SLIT2: variants seen among roughly 807,000 people sequenced by gnomAD.
SLIT2 encodes the protein slit homolog 2 protein.
A neutral mutation model predicts 185.7 loss-of-function variants in SLIT2; 41 were observed. The ratio of observed to expected loss-of-function variants is 0.22; its 90% CI spans 0.17 to 0.29. SLIT2 has a LOEUF of 0.29. SLIT2 is among the 10% of genes least tolerant of loss of function. The pLI, the probability that SLIT2 is intolerant of heterozygous loss-of-function variation, is 1.00. For synonymous variants in SLIT2, 693 were observed against 680.2 expected (o/e 1.02, Z -0.29); for missense variants, 1,571 against 1,909.0 (o/e 0.82, Z 3.30).
chr4:20,487,799 T>C (rs565776696), intron 7 of SLIT2, among the ~76,000 whole-genome samples: 8 of 152,334 alleles, frequency 5.3e-5, no homozygotes, highest in African/African-American at 1.9e-4. Flanking sequence ...ATTCCTTTGC[T>C]TTGGTTGGGT....
intron 4 of SLIT2, among the ~76,000 whole-genome samples, chr4:20,321,148 C>CA (rs1206177029): frequency 5.3e-5 from 8 of 151,964 alleles, no homozygotes; most frequent in East Asian, 3.9e-4. Flanking sequence ...CAAAACAAAA[C>CA]AAAAAAAACT....
intron 4 of SLIT2, among the ~76,000 whole-genome samples, chr4:20,388,829 T>A (rs1279363520): frequency 6.9e-6 from 1 of 144,586 alleles, no homozygotes; most frequent in Non-Finnish European, 1.5e-5. Context: ...ATATATATAA[T>A]ATATAATATA....
rs184063483 is a variant in SLIT2 at position 20,527,732 on chromosome 4, T to C, written c.1463-1217T>C. Among the ~76,000 whole-genome samples, 53 of 152,338 alleles carry C rather than the reference T, an allele frequency of 3.5e-4. No homozygotes were observed. In the East Asian group the frequency reaches 5.2e-3, roughly 15 times the overall value. On this transcript the variant is annotated intron_variant, in intron 15 of 36. Transcript: ENST00000504154. ...ACAATTCCCATCACATCATGCTATTTTTTCAATAATTCCCATAATAAAGAA... is the reference window on the plus strand; with the variant it reads ...ACAATTCCCATCACATCATGCTATTCTTTCAATAATTCCCATAATAAAGAA...
At chr4:20,462,847 G>A (rs1027750501) in intron 4 of SLIT2, among the ~76,000 whole-genome samples, 3 of 152,122 alleles carry the variant, frequency 2.0e-5, no homozygotes, top group Non-Finnish European at 4.4e-5. Flanking sequence ...TACACTCCTA[G>A]AAATGTCTCA....
At chr4:20,288,053 CAG>C (rs34034879) in intron 4 of SLIT2, among the ~76,000 whole-genome samples, 7,212 of 152,206 alleles carry the variant, frequency 0.047, 242 homozygotes, top group South Asian at 0.17. Context: ...TTGCACATAA[CAG>C]AGTGTGTTTA....
chr4:20,541,578 C>G lies in SLIT2; in HGVS notation c.2102C>G (p.Pro701Arg), dbSNP rs1215398562. The change falls in exon 20 of 37, where the codon CCC becomes CGC. Residue 701 changes from proline (P) to arginine (R), a missense_variant. This residue lies in a region of SLIT2 where 1,202 missense variants were observed against 1,416.4 expected (regional missense o/e 0.85). Coordinates refer to ENST00000504154, the MANE Select transcript of SLIT2 (RefSeq NM_004787.4). ...AAACCATACTTCCTGAAAGAAATAC[C>G]CATCCAGGATGTGGCCATTCAGGAC... ...CQKPYFLKEI[P>R]IQDVAIQDFT... 6.2e-7 allele frequency: 1 copy of G among 1,613,728 alleles called. No individual in the cohort carries two copies. Among genetic ancestry groups the G allele is most frequent in the Non-Finnish European group, 8.5e-7 (1 of 1,179,792 alleles).
intron 4 of SLIT2, among the ~76,000 whole-genome samples, chr4:20,311,571 A>G (rs1043529123): frequency 2.0e-5 from 3 of 152,148 alleles, no homozygotes; most frequent in Non-Finnish European, 4.4e-5. Flanking sequence ...ATGTGACCTT[A>G]CTGGAAGTGA....
intron 20 of SLIT2, among the ~76,000 whole-genome samples, chr4:20,542,211 T>C (rs1722856457): frequency 6.6e-6 from 1 of 152,196 alleles, no homozygotes; most frequent in African/African-American, 2.4e-5. Flanking sequence ...CATATTGTAA[T>C]TAAAAATATA....
chr4:20,612,065 A>G (rs1379119017), intron 34 of SLIT2, among the ~76,000 whole-genome samples: 5 of 152,202 alleles, frequency 3.3e-5, no homozygotes. Flanking sequence ...CCTTTAGAAT[A>G]TAGTATAAAA....
At chr4:20,518,667 C>G (rs1324531888) in intron 11 of SLIT2, among the ~76,000 whole-genome samples, 3 of 103,674 alleles carry the variant, frequency 2.9e-5, no homozygotes, top group African/African-American at 1.1e-4. Context: ...TGCAGTGGCG[C>G]GATCTCGGCT....
chr4:20,302,361 G>A (rs1353874889), intron 4 of SLIT2, among the ~76,000 whole-genome samples: 1 of 152,296 alleles, frequency 6.6e-6, no homozygotes, highest in South Asian at 2.1e-4. Flanking sequence ...ATTAAAAGAT[G>A]TGATGGAAAC....
chr4:20,305,572 T>C (rs149672989), intron 4 of SLIT2, among the ~76,000 whole-genome samples: 35 of 152,126 alleles, frequency 2.3e-4, no homozygotes, highest in African/African-American at 7.2e-4. Flanking sequence ...CTTGTAAAAA[T>C]GTGTAATTAA....
At chr4:20,499,859 G>A (rs1223196227) in intron 9 of SLIT2, among the ~76,000 whole-genome samples, 1 of 151,932 alleles carries the variant, frequency 6.6e-6, no homozygotes, top group African/African-American at 2.4e-5. Flanking sequence ...ATTATGTACT[G>A]GCTGATTTAA....
intron 4 of SLIT2, among the ~76,000 whole-genome samples, chr4:20,372,188 A>G (rs1723642008): frequency 6.6e-6 from 1 of 152,098 alleles, no homozygotes; most frequent in Admixed American, 6.6e-5. Flanking sequence ...TCTTCAGACC[A>G]GTCTTAGAGG....
At chr4:20,497,639 A>G (rs1276693945) in intron 9 of SLIT2, among the ~76,000 whole-genome samples, 1 of 152,122 alleles carries the variant, frequency 6.6e-6, no homozygotes, top group East Asian at 1.9e-4. Context: ...ATGTTCTCTT[A>G]TTTCCCCGAA....
At position 20,494,510 on chromosome 4, in the gene SLIT2, C is replaced by T. The variant is rs565376842; in HGVS notation, c.914+2611C>T. On this transcript the variant is annotated intron_variant, in intron 9 of 36. Transcript: ENST00000504154. Reference sequence around the variant, plus strand: ...ACAAAAATTGGGCTGGGTGCAGTGGCTCACGCCTGTAATCCCAGCACTTTG... The same window carrying T: ...ACAAAAATTGGGCTGGGTGCAGTGGTTCACGCCTGTAATCCCAGCACTTTG... 1.3e-4 allele frequency among the ~76,000 whole-genome samples: 20 copies of T among 152,288 alleles called. No individual in the cohort carries two copies. In the East Asian group the frequency reaches 3.9e-3, roughly 29 times the overall value.
chr4:20,571,766 G>A (rs975295790), intron 29 of SLIT2, among the ~76,000 whole-genome samples: 1 of 152,104 alleles, frequency 6.6e-6, no homozygotes, highest in African/African-American at 2.4e-5. Context: ...TTTTTCCTTT[G>A]AAAATTTTTT....
At position 20,620,280 on chromosome 4, in the gene SLIT2, C is replaced by T. The variant is rs1173251095; in HGVS notation, c.*1271C>T. 3.1e-5 allele frequency: 11 copies of T among 351,100 alleles called. No homozygotes were observed. The highest frequency in any genetic ancestry group is 4.4e-5 in the Non-Finnish European group (8 of 181,444). 21.7% of individuals were successfully genotyped at this position (351,100 alleles called of 1,614,324 possible). ...TATCAAGAACTGTGACTTTTCTTTC[C>T]CTCAAACAATAAAACTCCTTTATTA... On this transcript the variant is annotated 3_prime_UTR_variant, in exon 37 of 37. Coordinates refer to ENST00000504154, the MANE Select transcript of SLIT2 (RefSeq NM_004787.4).
rs894594250 is a variant in SLIT2 at position 20,252,416 on chromosome 4, G to A, written c.-1400G>A. On this transcript the variant is annotated 5_prime_UTR_variant, in exon 1 of 37. Transcript: ENST00000504154. ...GGGAGAGGGGAAGGGGCTAGAAGGA[G>A]AAGGACTACCCGGGACTGCGGCCGC... Among the ~76,000 whole-genome samples, 1 of 152,236 alleles carries A rather than the reference G, an allele frequency of 6.6e-6. No homozygotes were observed. Among genetic ancestry groups the A allele is most frequent in the Non-Finnish European group, 1.5e-5 (1 of 68,038 alleles).
Sources: gnomAD v4.1 joint callset for allele counts (sites outside exome capture counted in the v4.1 genomes callset) on GRCh38, gnomAD v4.1.1 for gene constraint, gnomAD v4.1.1 regional missense constraint, MANE v1.5 for transcripts, NCBI Gene and HGNC (gene_info 2026-07-23, HGNC 2026-07-21) for gene names.